TUBGCP6: variants seen among roughly 807,000 people sequenced by gnomAD.
TUBGCP6 encodes tubulin gamma complex component 6, also known as gamma-tubulin complex component 6.
TUBGCP6 carries 161 observed loss-of-function variants against 175.8 expected under a neutral mutation model. That is an observed-to-expected ratio of 0.92 (90% confidence interval 0.81 to 1.04). The LOEUF (loss-of-function observed/expected upper bound fraction) is 1.04. Among genes scored for constraint, TUBGCP6 ranks in the 50% least tolerant of loss-of-function variants. The pLI, the probability that TUBGCP6 is intolerant of heterozygous loss-of-function variation, is 0.00. For synonymous variants in TUBGCP6, 1,173 were observed against 1,030.5 expected, an observed-to-expected ratio of 1.14 and a Z score of -2.65; for missense variants, 2,572 against 2,433.0, an observed-to-expected ratio of 1.06 and a Z score of -1.20.
intron 18 of TUBGCP6, 72 bp from the exon 19 acceptor site, chr22:50,219,528 G>T: frequency 6.3e-7 from 1 of 1,586,462 alleles, no homozygotes; most frequent in Non-Finnish European, 8.6e-7. Context: ...ACAGGAGATG[G>T]AGCACGTGCT....
In TUBGCP6 at chr22:50,219,374, G is replaced by A. The variant is rs142496306; in HGVS notation, c.4398C>T (p.Ala1466=). 2,285 of 1,582,112 alleles carry A rather than the reference G, an allele frequency of 1.4e-3. 2 individuals carry two copies. Among genetic ancestry groups the A allele is most frequent in the Non-Finnish European group, 1.6e-3 (1,866 of 1,165,164 alleles). ...TCAGCTGCACAGCAGTCTCATCAGC[G>A]GCAGACTGGACCTGGGGGTCCACGG... The part of the protein sequence containing the change: ...AFPVDPQVQS[A]ADETAVQLSE... Residue 1466 remains alanine (A), a synonymous_variant, in exon 19 of 25, where the codon GCC becomes GCT. Transcript: ENST00000248846.
chr22:50,237,933 A>G (rs1465450747), intron 2 of TUBGCP6, among the ~76,000 whole-genome samples: 1 of 151,812 alleles, frequency 6.6e-6, no homozygotes, highest in Non-Finnish European at 1.5e-5. Context: ...GACCAGCCTG[A>G]CCAACATGGA....
At chr22:50,222,243 TG>T in intron 14 of TUBGCP6, 141 bp from the exon 15 acceptor site, 1 of 1,162,878 alleles carries the variant, frequency 8.6e-7, no homozygotes, top group Non-Finnish European at 1.2e-6. Flanking sequence ...AGTGGGACGC[TG>T]GGCCTGCAAA....
chr22:50,239,726 C>A (rs939871605), intron 2 of TUBGCP6, among the ~76,000 whole-genome samples: 2 of 152,208 alleles, frequency 1.3e-5, no homozygotes, highest in African/African-American at 4.8e-5. Context: ...TTCATCAGCA[C>A]CCCAATTCCT....
chr22:50,244,351 G>A lies in TUBGCP6; in HGVS notation c.109C>T (p.Leu37Phe). The change falls in exon 1 of 25, where the codon CTC becomes TTC. Residue 37 changes from leucine (L) to phenylalanine (F), a missense_variant. Physicochemically the swap from Leu to Phe is conservative, Grantham distance 22. Coordinates refer to ENST00000248846, the MANE Select transcript of TUBGCP6 (RefSeq NM_020461.4). ...SVNRKRAKRS[L>F]KKVAYNALFT... ...AGAGCATTGTAGGCCACCTTCTTGA[G>A]GCTCCGCTTTGCCCTCTTCCGGTTC... 6.2e-7 allele frequency: 1 copy of A among 1,613,496 alleles called. No individual in the cohort carries two copies. The highest frequency in any genetic ancestry group is 8.5e-7 in the Non-Finnish European group (1 of 1,180,040).
At position 50,221,694 on chromosome 22, in the gene TUBGCP6, G is replaced by A; in HGVS notation, c.2665C>T (p.Pro889Ser). ...CCAATGCTGAGGCTGTCAGAGAAGG[G>A]TCTGGCCCCCTCCGCCTGCTGCAGC... ...RGLQQAEGAR[P>S]FSDSLSIGDF... The change falls in exon 16 of 25, where the codon CCC becomes TCC. Residue 889 changes from proline (P) to serine (S), a missense_variant. Pro to Ser is a moderately conservative substitution (Grantham distance 74). Transcript: ENST00000248846. 6.6e-7 allele frequency: 1 copy of A among 1,518,132 alleles called. No homozygotes were observed. The highest frequency in any genetic ancestry group is 1.3e-5 in the South Asian group (1 of 75,048). The allele number at this position is 1,518,132 out of a possible 1,614,324, so 94.0% of individuals were successfully genotyped here. A position where few individuals can be genotyped will look rare whatever the true frequency, so the allele number is the denominator to read the frequency against.
At position 50,244,758 on chromosome 22, in the gene TUBGCP6, C is replaced by A; in HGVS notation, c.-299G>T. 2.6e-6 allele frequency: 1 copy of A among 380,496 alleles called. No individual in the cohort carries two copies. The highest frequency in any genetic ancestry group is 4.8e-6 in the Non-Finnish European group (1 of 209,428). 23.6% of individuals were successfully genotyped at this position (380,496 alleles called of 1,614,324 possible). ...CCTCAACCTTTAGGGAGTCACAGAA[C>A]CGTGGCAAAACCGAAGAACGAAACG... On this transcript the variant is annotated 5_prime_UTR_variant, in exon 1 of 25. Coordinates refer to ENST00000248846, the MANE Select transcript of TUBGCP6 (RefSeq NM_020461.4).
rs752018254 is a variant in TUBGCP6 at position 50,218,114 on chromosome 22, G to A, written c.5172C>T (p.Gly1724=). Residue 1724 remains glycine (G), a synonymous_variant, in exon 24 of 25, where the codon GGC becomes GGT. Transcript: ENST00000248846. ...CGGGCGCCGCCTTCTCCGTGAGCAG[G>A]CCCCTGGGGGGAAGCAGTGCTGCTG... is the stretch of plus-strand genomic sequence containing the variant. ...AEYLHKAVFR[G]LLTEKAAPVM... is the part of the protein sequence containing the mutation. 1.9e-6 allele frequency: 3 copies of A among 1,612,130 alleles called. No individual in the cohort carries two copies. The highest frequency in any genetic ancestry group is 2.5e-6 in the Non-Finnish European group (3 of 1,179,480).
At position 50,226,799 on chromosome 22, in the gene TUBGCP6, T is replaced by C; in HGVS notation, c.1535A>G (p.Asn512Ser). The C allele has an allele frequency of 6.3e-7, 1 of 1,591,362 alleles. No homozygotes were observed. Among genetic ancestry groups the C allele is most frequent in the Non-Finnish European group, 8.5e-7 (1 of 1,169,714 alleles). The change falls in exon 7 of 25, where the codon AAC becomes AGC. Residue 512 changes from asparagine (N) to serine (S), a missense_variant. Physicochemically the swap from Asn to Ser is conservative, Grantham distance 46. Coordinates refer to ENST00000248846, the MANE Select transcript of TUBGCP6 (RefSeq NM_020461.4). The stretch of plus-strand genomic sequence containing the variant: ...TACAGGGTAGTGCTCGTTGCTGCAG[T>C]TGTGCAGAGCCTCCTGGTAGAGGTA... ...LSYLYQEALH[N>S]CSNEHYPVLL... is the part of the protein sequence containing the mutation.
At position 50,218,214 on chromosome 22, in the gene TUBGCP6, CTG is replaced by C; in HGVS notation, c.5141_5142del (p.Ala1714GlyfsTer116). ...CTGAAGACGGCCTTGTGCAGGTACT[CTG>C]CGTGCGCACGCTGGATCTCCTCCAG... Reference protein sequence around the residue: ...GDLEEIQRAHAEYLHKAVFRG... With the variant: ...GDLEEIQRAHXEYLHKAVFRG... On this transcript the variant is annotated frameshift_variant, in exon 23 of 25. Transcript: ENST00000248846. LOFTEE classifies it high-confidence loss of function. 6.2e-7 allele frequency: 1 copy of C among 1,612,380 alleles called. No individual in the cohort carries two copies. The highest frequency in any genetic ancestry group is 1.3e-5 in the African/African-American group (1 of 75,058).
Position 50,222,927 on chromosome 22 carries a change from G to A in TUBGCP6, c.2271-335C>T, listed in dbSNP as rs949992276. On this transcript the variant is annotated intron_variant, in intron 13 of 24. Transcript: ENST00000248846. ...GGGCCCCAGGCCTCTAAGAAGTTAGGCCTCTTCCCCTTCTACAGGTACAAA... is the reference window on the plus strand; with the variant it reads ...GGGCCCCAGGCCTCTAAGAAGTTAGACCTCTTCCCCTTCTACAGGTACAAA... 20 of 271,914 alleles carry A rather than the reference G, an allele frequency of 7.4e-5. No individual in the cohort carries two copies. The Admixed American group carries it at 8.6e-4, about 12-fold the overall frequency. 16.8% of individuals were successfully genotyped at this position (271,914 alleles called of 1,614,324 possible). A position where few individuals can be genotyped will look rare whatever the true frequency, so the allele number is the denominator to read the frequency against.
rs9628306 is a variant in TUBGCP6, at chr22:50,220,869, C to T, written c.3490G>A (p.Val1164Met). 504 of 1,611,396 alleles carry T rather than the reference C, an allele frequency of 3.1e-4. 1 individual carries two copies. In the African/African-American group the frequency reaches 5.7e-3, roughly 18 times the overall value. Reference sequence around the variant, plus strand: ...CCCAAGCTGATGCTGGCATCGGACACGTGTCCATGGGTGTTCCACCGTGGC... The same window carrying T: ...CCCAAGCTGATGCTGGCATCGGACATGTGTCCATGGGTGTTCCACCGTGGC... ...TRPRWNTHGHVSDASISLGES... is the reference protein window; with the variant it reads ...TRPRWNTHGHMSDASISLGES... The change falls in exon 16 of 25, where the codon GTG (valine) becomes ATG (methionine). Residue 1164 changes from valine (V) to methionine (M), a missense_variant. By Grantham distance (21) the Val-to-Met change is conservative (BLOSUM62 1). Coordinates refer to ENST00000248846, the MANE Select transcript of TUBGCP6 (RefSeq NM_020461.4).
Position 50,243,922 on chromosome 22 carries a change from G to A in TUBGCP6, c.538C>T (p.Gln180Ter), listed in dbSNP as rs143957857. 11 of 1,613,986 alleles carry A rather than the reference G, an allele frequency of 6.8e-6. No homozygotes were observed. The highest frequency in any genetic ancestry group is 1.1e-5 in the South Asian group (1 of 91,088). The change falls in exon 1 of 25, where the codon CAG (glutamine) becomes TAG (stop). Residue 180 changes from glutamine (Q) to a stop codon, truncating the protein, a stop_gained. Transcript: ENST00000248846. LOFTEE classifies it high-confidence loss of function. ...LCHSMIQETLQVMEAAPGTGL... is the reference protein window; with the variant it reads ...LCHSMIQETL ...GTGCCTGGAGCAGCCTCCATAACCT[G>A]AAGTGTTTCCTGGATCATGCTGTGA...
rs537465788 is a variant in TUBGCP6, at chr22:50,219,551, G to C, written c.4315+93C>G. On this transcript the variant is annotated intron_variant, in intron 18 of 24. Transcript: ENST00000248846. ...TGGAGCACGTGCTGGGAACTGGCTA[G>C]CCCAGGGCTCCGCCCCAACCCACAG... The C allele has an allele frequency of 1.3e-5, 21 of 1,587,558 alleles. No individual in the cohort carries two copies. The African/African-American group carries it at 1.3e-4, about 10-fold the overall frequency.
In TUBGCP6 at chr22:50,224,575, A is replaced by T; in HGVS notation, c.2001T>A (p.Ile667=). The change falls in exon 11 of 25, where the codon ATT becomes ATA. Residue 667 remains isoleucine, a synonymous_variant. Coordinates refer to ENST00000248846, the MANE Select transcript of TUBGCP6 (RefSeq NM_020461.4). The part of the protein sequence containing the change: ...SKEEKELRME[I]AKQELIAHAR... The stretch of plus-strand genomic sequence containing the variant: ...CATGAGCGATTAATTCTTGTTTTGC[A>T]ATTTCCATACGTAATTCCTGAGAAA... The T allele has an allele frequency of 6.2e-7, 1 of 1,614,028 alleles. No homozygotes were observed. Among genetic ancestry groups the T allele is most frequent in the Non-Finnish European group, 8.5e-7 (1 of 1,180,006 alleles).
In TUBGCP6 at chr22:50,221,415, G is replaced by A. The variant is rs768760174; in HGVS notation, c.2944C>T (p.Leu982=). The change falls in exon 16 of 25, where the codon CTA becomes TTA. Residue 982 remains leucine (L), a synonymous_variant. Transcript: ENST00000248846. ...AAECSLGSSG[L]QLWEDSCGKM... is the part of the protein sequence containing the mutation. ...CCACAACTGTCCTCCCACAGCTGTA[G>A]CCCTGAGCTGCCCAAGCTGCACTCT... 13 of 1,602,372 alleles carry A rather than the reference G, an allele frequency of 8.1e-6. No individual in the cohort carries two copies. The highest frequency in any genetic ancestry group is 1.1e-5 in the Non-Finnish European group (13 of 1,177,380).
In TUBGCP6 at chr22:50,218,851, A is replaced by T; in HGVS notation, c.4673T>A (p.Leu1558Gln). The T allele has an allele frequency of 1.9e-6, 3 of 1,613,922 alleles. No homozygotes were observed. The highest frequency in any genetic ancestry group is 2.5e-6 in the Non-Finnish European group (3 of 1,179,934). Residue 1558 changes from leucine to glutamine, a missense_variant, in exon 21 of 25, where the codon CTG (leucine) becomes CAG (glutamine). Coordinates refer to ENST00000248846, the MANE Select transcript of TUBGCP6 (RefSeq NM_020461.4). ...TPGELLNPLV[L>Q]NSVLSKALQC... ...CAGGGCCTTGCTCAGCACAGAGTTC[A>T]GCACCAGCGGGTTGAGCAGCTCTCC...
At chr22:50,242,526 A>G (rs2064852634) in intron 1 of TUBGCP6, among the ~76,000 whole-genome samples, 1 of 152,222 alleles carries the variant, frequency 6.6e-6, no homozygotes, top group African/African-American at 2.4e-5. Context: ...CTGTACACCA[A>G]GACATTTGCT....
Position 50,244,108 on chromosome 22 carries a change from C to T in TUBGCP6, c.352G>A (p.Ala118Thr). The T allele has an allele frequency of 6.2e-7, 1 of 1,613,664 alleles. No individual in the cohort carries two copies. Among genetic ancestry groups the T allele is most frequent in the Admixed American group, 1.7e-5 (1 of 60,026 alleles). Residue 118 changes from alanine to threonine, a missense_variant, in exon 1 of 25, where the codon GCA becomes ACA. Ala to Thr is a moderately conservative substitution (Grantham distance 58, BLOSUM62 0). Coordinates refer to ENST00000248846, the MANE Select transcript of TUBGCP6 (RefSeq NM_020461.4). ...AGAACTTGAGGGGGACCACTCCCTGCCAGCTGAACCAGGAGGTCCAAAACA... is the reference window on the plus strand; with the variant it reads ...AGAACTTGAGGGGGACCACTCCCTGTCAGCTGAACCAGGAGGTCCAAAACA... ...GSVLDLLVQL[A>T]GSGPPQVLPR...
Sources: gnomAD v4.1 joint callset for allele counts (sites outside exome capture counted in the v4.1 genomes callset) on GRCh38, gnomAD v4.1.1 for gene constraint, MANE v1.5 for transcripts, NCBI Gene and HGNC (gene_info 2026-07-23, HGNC 2026-07-21) for gene names.